BRAT1: variants seen among roughly 807,000 people sequenced by gnomAD.
The protein encoded by BRAT1 is BRCA1 associated ATM activator 1.
In BRAT1, 74 loss-of-function variants were observed where a neutral mutation model predicts 70.6. The ratio of observed to expected loss-of-function variants is 1.05; its 90% CI spans 0.87 to 1.27. BRAT1 has a LOEUF of 1.27. Among genes scored for constraint, BRAT1 ranks in the 50% most tolerant of loss-of-function variants. BRAT1 has a pLI of 0.00. For missense variants in BRAT1, 1,203 were observed against 1,098.2 expected (o/e 1.10, Z -1.35); for synonymous variants, 615 against 517.1 (o/e 1.19, Z -2.57).
At chr7:2,544,123 C>T (rs1779405589) in intron 4 of BRAT1, 161 bp from the exon 5 acceptor site, 1 of 535,966 alleles carries the variant, frequency 1.9e-6, no homozygotes, top group Non-Finnish European at 3.1e-6. Context: ...CTGAAGCTCC[C>T]TGGAGACAAG....
In BRAT1 at chr7:2,543,444, A is replaced by G. The variant is rs1779339464; in HGVS notation, c.804-121T>C. On this transcript the variant is annotated intron_variant, in intron 5 of 13. Coordinates refer to ENST00000340611, the MANE Select transcript of BRAT1 (RefSeq NM_152743.4). The surrounding 1 kb of genome is among the most constrained non-coding windows in gnomAD (Gnocchi z 5.5). ...CCCAGCCCAAGACAGGCCTTTCCCC[A>G]TGAGGGTTCCAGGGTCACCCCGGTG... 9.5e-6 allele frequency: 14 copies of G among 1,481,130 alleles called. No homozygotes were observed. The highest frequency in any genetic ancestry group is 1.3e-5 in the Non-Finnish European group (14 of 1,118,788). 91.7% of individuals were successfully genotyped at this position (1,481,130 alleles called of 1,614,324 possible). A position where few individuals can be genotyped will look rare whatever the true frequency, so the allele number is the denominator to read the frequency against.
chr7:2,554,218 G>T, intron 2 of BRAT1, 87 bp downstream of exon 2: 1 of 1,542,780 alleles, frequency 6.5e-7, no homozygotes, highest in Non-Finnish European at 8.8e-7. Context: ...TCCAGGACAG[G>T]GGAGTCCCCA....
intron 3 of BRAT1, 40 bp downstream of exon 3, chr7:2,547,284 C>A: frequency 1.9e-6 from 3 of 1,607,290 alleles, no homozygotes; most frequent in Non-Finnish European, 2.6e-6. Flanking sequence ...AGCCTGCCCA[C>A]CTCTCCACGG....
In BRAT1 at chr7:2,539,426, C is replaced by T; in HGVS notation, c.1598-75G>A. The T allele has an allele frequency of 3.3e-6, 5 of 1,528,944 alleles. No individual in the cohort carries two copies. In the South Asian group the frequency reaches 4.9e-5, roughly 15 times the overall value. The allele number at this position is 1,528,944 out of a possible 1,614,324, so 94.7% of individuals were successfully genotyped here. A position where few individuals can be genotyped will look rare whatever the true frequency, so the allele number is the denominator to read the frequency against. On this transcript the variant is annotated intron_variant, in intron 12 of 13. Transcript: ENST00000340611. Reference sequence around the variant, plus strand: ...TCGCCTCGGCCTCTGCCTCCATCCCCTTGTGGGCAGCCGACATGGCCCAAG... The same window carrying T: ...TCGCCTCGGCCTCTGCCTCCATCCCTTTGTGGGCAGCCGACATGGCCCAAG...
chr7:2,547,717 A>C lies in BRAT1; in HGVS notation c.128-239T>G, dbSNP rs533555428. On this transcript the variant is annotated intron_variant, in intron 2 of 13. Transcript: ENST00000340611. ...GAAAGGCGGAACACTGTCACCTTTC[A>C]CAACAGGTGAATGGCCAAAAATGCT... 2.6e-5 allele frequency among the ~76,000 whole-genome samples: 4 copies of C among 152,366 alleles called. No homozygotes were observed. In the South Asian group the frequency reaches 8.3e-4, roughly 32 times the overall value.
chr7:2,551,328 A>G (rs976445682), intron 2 of BRAT1, among the ~76,000 whole-genome samples: 16 of 150,446 alleles, frequency 1.1e-4, no homozygotes, highest in African/African-American at 4.0e-4. Flanking sequence ...GATCTGGTAC[A>G]CCTTAAATGG....
chr7:2,538,003 G>A lies in BRAT1; in HGVS notation c.*66C>T, dbSNP rs1267671099. 5.4e-6 allele frequency: 8 copies of A among 1,468,152 alleles called. No individual in the cohort carries two copies. The highest frequency in any genetic ancestry group is 7.2e-6 in the Non-Finnish European group (8 of 1,111,620). 90.9% of individuals were successfully genotyped at this position (1,468,152 alleles called of 1,614,324 possible). A position where few individuals can be genotyped will look rare whatever the true frequency, so the allele number is the denominator to read the frequency against. ...GGGCTGGAGCCCTGGGGCTGGCAGTGTCCCACAGAAGGACATGGTGCTGCC... is the reference window on the plus strand; with the variant it reads ...GGGCTGGAGCCCTGGGGCTGGCAGTATCCCACAGAAGGACATGGTGCTGCC... On this transcript the variant is annotated 3_prime_UTR_variant, in exon 14 of 14. Transcript: ENST00000340611.
Position 2,541,810 on chromosome 7 carries a change from C to T in BRAT1, c.1042G>A (p.Ala348Thr), listed in dbSNP as rs772284324. The T allele has an allele frequency of 1.2e-6, 2 of 1,612,830 alleles. No homozygotes were observed. The highest frequency in any genetic ancestry group is 4.5e-5 in the East Asian group (2 of 44,876). ...PGLLDGTADD[A>T]TTVDTLLASK... ...GCCAGGAGTGTGTCCACCGTCGTGG[C>T]ATCGTCTGCCGTCCCGTCCAGCAAG... is the stretch of plus-strand genomic sequence containing the variant. Residue 348 changes from alanine to threonine, a missense_variant, in exon 8 of 14, where the codon GCC becomes ACC. By Grantham distance (58) the Ala-to-Thr change is moderately conservative. Transcript: ENST00000340611.
At chr7:2,539,045 G>C in intron 13 of BRAT1, 134 bp downstream of exon 13, 1 of 1,454,300 alleles carries the variant, frequency 6.9e-7, no homozygotes. Context: ...GGCCTCGGCA[G>C]TCACTGCTGC....
intron 4 of BRAT1, 186 bp from the exon 5 acceptor site, chr7:2,544,148 G>A (rs933781460): frequency 2.4e-5 from 11 of 457,574 alleles, no homozygotes; most frequent in Non-Finnish European, 3.5e-5. Context: ...TCCTCCCCCC[G>A]AGCGTTAAAC....
At chr7:2,550,199 C>A (rs1276132672) in intron 2 of BRAT1, among the ~76,000 whole-genome samples, 1 of 150,428 alleles carries the variant, frequency 6.6e-6, no homozygotes, top group East Asian at 2.0e-4. Flanking sequence ...AGGCACAGTG[C>A]CTCACACCTG....
Position 2,541,049 on chromosome 7 carries a change from G to C in BRAT1, c.1325C>G (p.Pro442Arg). The change falls in exon 10 of 14, where the codon CCC becomes CGC. Residue 442 changes from proline to arginine, a missense_variant. Transcript: ENST00000340611. ...FLGTLSQGTG[P>R]QELVTQALAV... is the part of the protein sequence containing the mutation. ...AAGCGCCTGCGTCACCAGCTCCTGG[G>C]GGCCTGAGACAGAGGTGAGTGGATA... The C allele has an allele frequency of 1.9e-6, 3 of 1,565,606 alleles. No homozygotes were observed. Among genetic ancestry groups the C allele is most frequent in the Non-Finnish European group, 2.6e-6 (3 of 1,165,352 alleles).
chr7:2,550,009 A>G (rs1479805287), intron 2 of BRAT1, among the ~76,000 whole-genome samples: 2 of 152,028 alleles, frequency 1.3e-5, no homozygotes, highest in African/African-American at 4.8e-5. Flanking sequence ...AAAAAATACA[A>G]AAAATTAGCT....
rs551153020 is a variant in BRAT1, at chr7:2,549,528, GA to G, written c.128-2051del. Among the ~76,000 whole-genome samples, 443 of 143,698 alleles carry G rather than the reference GA, an allele frequency of 3.1e-3. 3 individuals carry two copies. Among genetic ancestry groups the G allele is most frequent in the African/African-American group, 5.1e-3 (197 of 38,982 alleles). 94.3% of individuals were successfully genotyped at this position (143,698 alleles called of 152,430 possible). On this transcript the variant is annotated intron_variant, in intron 2 of 13. Transcript: ENST00000340611. ...AAACCAGAAGAGGAAAGATTTAAAAGAAAAAAAAAAGCTTTATCAATCTGAT... is the reference window on the plus strand; with the variant it reads ...AAACCAGAAGAGGAAAGATTTAAAAGAAAAAAAAAGCTTTATCAATCTGAT...
At chr7:2,539,400 G>A in intron 12 of BRAT1, 49 bp from the exon 13 acceptor site, 1 of 1,562,164 alleles carries the variant, frequency 6.4e-7, no homozygotes, top group South Asian at 1.2e-5. Flanking sequence ...GCCGAGCCTT[G>A]TCGCCTCGGC....
At chr7:2,538,840 T>C (rs952016539) in intron 13 of BRAT1, 76 bp from the exon 14 acceptor site, 3 of 1,563,592 alleles carry the variant, frequency 1.9e-6, no homozygotes, top group Non-Finnish European at 2.6e-6. Flanking sequence ...CTCCGGTACA[T>C]GATGGGGGCT....
chr7:2,544,200 G>GTGTTTTTTTT (rs1554296216), intron 4 of BRAT1: 1 of 105,714 alleles, frequency 9.5e-6, no homozygotes, highest in African/African-American at 4.4e-5. Context: ...CCTTCTTGTT[G>GTGTTTTTTTT]TTTTTTTTTT....
At chr7:2,546,552 T>C (rs1311648687) in intron 3 of BRAT1, among the ~76,000 whole-genome samples, 3 of 152,028 alleles carry the variant, frequency 2.0e-5, no homozygotes, top group African/African-American at 7.2e-5. Flanking sequence ...CTGGCCAAAA[T>C]GGTGAAATCC....
At chr7:2,544,563 C>G (rs1480223038) in intron 4 of BRAT1, among the ~76,000 whole-genome samples, 1 of 152,054 alleles carries the variant, frequency 6.6e-6, no homozygotes, top group Non-Finnish European at 1.5e-5. Context: ...TGCAGTGGCT[C>G]AACCACTGCT....
Sources: allele counts gnomAD v4.1 joint callset (sites outside exome capture counted in the v4.1 genomes callset), GRCh38; gene constraint gnomAD v4.1.1; non-coding constraint Gnocchi (gnomAD v3.1); transcripts MANE v1.5; gene names NCBI Gene and HGNC (gene_info 2026-07-23, HGNC 2026-07-21).